Variants in PEX14 observed in about 807,000 individuals in gnomAD.
PEX14 encodes the protein peroxisomal membrane protein PEX14.
In PEX14, 15 loss-of-function variants were observed where a neutral mutation model predicts 49.5. The observed-to-expected ratio is 0.30, with a 90% CI of 0.20 to 0.47. The LOEUF (loss-of-function observed/expected upper bound fraction) is 0.47, where lower values mean the gene tolerates loss of function less well. Among genes scored for constraint, PEX14 ranks in the 20% least tolerant of loss-of-function variants. The probability of loss-of-function intolerance (pLI) is 1.00; values close to 1 mark genes in which losing one functional copy is unlikely to be tolerated. For missense variants in PEX14, 398 were observed against 494.8 expected, an observed-to-expected ratio of 0.80 and a Z score of 1.86; for synonymous variants, 210 against 212.7, an observed-to-expected ratio of 0.99 and a Z score of 0.11.
intron 2 of PEX14, among the ~76,000 whole-genome samples, chr1:10,523,751 G>A (rs1638376358): frequency 6.8e-6 from 1 of 147,804 alleles, no homozygotes. Flanking sequence ...TTGCACTCAA[G>A]ACTATTATCG....
At chr1:10,547,915 G>A (rs559634901) in intron 3 of PEX14, among the ~76,000 whole-genome samples, 13 of 152,256 alleles carry the variant, frequency 8.5e-5, no homozygotes, top group Middle Eastern at 3.4e-3. Flanking sequence ...CTTTCGAGAT[G>A]ATTTTAAGAA....
intron 3 of PEX14, among the ~76,000 whole-genome samples, chr1:10,589,244 A>G (rs1005417691): frequency 1.3e-5 from 2 of 152,086 alleles, no homozygotes; most frequent in African/African-American, 4.8e-5. Flanking sequence ...TGTGTGGGGG[A>G]AAATAGCCTG....
intron 4 of PEX14, among the ~76,000 whole-genome samples, chr1:10,608,556 G>C (rs1371939053): frequency 6.6e-6 from 1 of 151,988 alleles, no homozygotes; most frequent in Admixed American, 6.6e-5. Context: ...CAGCTACTCA[G>C]GAGGCTGAGG....
At chr1:10,583,511 C>T (rs1459560409) in intron 3 of PEX14, among the ~76,000 whole-genome samples, 1 of 151,794 alleles carries the variant, frequency 6.6e-6, no homozygotes, top group Non-Finnish European at 1.5e-5. Context: ...TATTAGCTAC[C>T]ACGCCTGGCT....
At chr1:10,523,267 C>A (rs1221962797) in intron 2 of PEX14, among the ~76,000 whole-genome samples, 1 of 152,076 alleles carries the variant, frequency 6.6e-6, no homozygotes. Context: ...TAGTAAGTAG[C>A]GTGAGTAAAG....
At chr1:10,618,260 A>G (rs1383013370) in intron 4 of PEX14, 72 bp from the exon 5 acceptor site, 17 of 1,169,974 alleles carry the variant, frequency 1.5e-5, no homozygotes, top group Non-Finnish European at 2.1e-5. Context: ...CCACTGAGGC[A>G]CCTGTGCCAG....
chr1:10,575,686 G>T (rs1204355214), intron 3 of PEX14, among the ~76,000 whole-genome samples: 1 of 152,100 alleles, frequency 6.6e-6, no homozygotes, highest in African/African-American at 2.4e-5. Flanking sequence ...CTAGTTTCTT[G>T]AGATGAGCAC....
At chr1:10,616,355 C>T (rs1463705489) in intron 4 of PEX14, among the ~76,000 whole-genome samples, 1 of 152,190 alleles carries the variant, frequency 6.6e-6, no homozygotes, top group African/African-American at 2.4e-5. Flanking sequence ...TGGAAGGTAC[C>T]TCTGAAAACT....
intron 4 of PEX14, among the ~76,000 whole-genome samples, chr1:10,609,501 G>C (rs118143639): frequency 3.3e-4 from 50 of 152,240 alleles, no homozygotes; most frequent in East Asian, 3.3e-3. Flanking sequence ...AAGTTGCTTT[G>C]TGCCCTTTAT....
At chr1:10,491,674 CTTTTT>C (rs5772417) in intron 1 of PEX14, among the ~76,000 whole-genome samples, 2 of 55,122 alleles carry the variant, frequency 3.6e-5, no homozygotes, top group East Asian at 4.7e-4. Flanking sequence ...GGCCATGCTC[CTTTTT>C]TTTTTTTTTT....
At chr1:10,501,033 A>G (rs1048785387) in intron 2 of PEX14, among the ~76,000 whole-genome samples, 3 of 152,254 alleles carry the variant, frequency 2.0e-5, no homozygotes, top group African/African-American at 7.2e-5. Flanking sequence ...TTTTACAAGC[A>G]CATGGGTAAT....
At chr1:10,610,190 C>T (rs1390487733) in intron 4 of PEX14, among the ~76,000 whole-genome samples, 1 of 148,422 alleles carries the variant, frequency 6.7e-6, no homozygotes, top group African/African-American at 2.4e-5. Flanking sequence ...ATGGTTTTTG[C>T]ATCCTAAGAA....
chr1:10,565,064 C>A (rs546803073), intron 3 of PEX14, among the ~76,000 whole-genome samples: 1 of 152,066 alleles, frequency 6.6e-6, no homozygotes, highest in African/African-American at 2.4e-5. Context: ...CCACCACACC[C>A]GACTAATTTT....
chr1:10,593,834 C>T (rs1025416480), intron 3 of PEX14, among the ~76,000 whole-genome samples: 2 of 152,172 alleles, frequency 1.3e-5, no homozygotes, highest in Non-Finnish European at 2.9e-5. Context: ...TTGCAGTTTA[C>T]TGTATTTATG....
At chr1:10,567,099 A>G (rs1036672789) in intron 3 of PEX14, among the ~76,000 whole-genome samples, 1 of 152,224 alleles carries the variant, frequency 6.6e-6, no homozygotes, top group Non-Finnish European at 1.5e-5. Context: ...AACTTTATTT[A>G]TGGACACTGA....
In PEX14 at chr1:10,629,507, C is replaced by T; in HGVS notation, c.678-24C>T. ...GGGCGTCCTGAATGCCGCCACCAAC[C>T]TCCTCCCCTTCTTCTCCCTCTAGGA... is the stretch of plus-strand genomic sequence containing the variant. On this transcript the variant is annotated intron_variant, in intron 8 of 8. Transcript: ENST00000356607. The surrounding 1 kb of genome is among the most constrained non-coding windows in gnomAD (Gnocchi z 8.5). 2 of 1,559,132 alleles carry T rather than the reference C, an allele frequency of 1.3e-6. No homozygotes were observed. The highest frequency in any genetic ancestry group is 1.8e-6 in the Non-Finnish European group (2 of 1,132,116).
intron 3 of PEX14, among the ~76,000 whole-genome samples, chr1:10,581,612 T>C (rs1479851394): frequency 6.6e-6 from 1 of 151,868 alleles, no homozygotes; most frequent in Non-Finnish European, 1.5e-5. Flanking sequence ...CTAATCCTTG[T>C]TATTCTTATT....
intron 2 of PEX14, among the ~76,000 whole-genome samples, chr1:10,518,974 C>T (rs1257211989): frequency 3.3e-5 from 5 of 152,008 alleles, no homozygotes; most frequent in East Asian, 3.9e-4. Context: ...GTGTGCTTGT[C>T]GTGGTAGTGG....
In PEX14 at chr1:10,616,079, G is replaced by A. The variant is rs111862278; in HGVS notation, c.299-2253G>A. Among the ~76,000 whole-genome samples the A allele has an allele frequency of 6.0e-4, 91 of 152,284 alleles. 4 individuals carry two copies. Among genetic ancestry groups the A allele is most frequent in the African/African-American group, 2.0e-3 (83 of 41,552 alleles). On this transcript the variant is annotated intron_variant, in intron 4 of 8. Coordinates refer to ENST00000356607, the MANE Select transcript of PEX14 (RefSeq NM_004565.3). ...GGGCTAGGACACACCGGGGAGTCTC[G>A]CATGGAATCCGCAGGCAGGGAGGGA...
Sources: allele counts gnomAD v4.1 joint callset (sites outside exome capture counted in the v4.1 genomes callset), GRCh38; gene constraint gnomAD v4.1.1; non-coding constraint Gnocchi (gnomAD v3.1); transcripts MANE v1.5; gene names NCBI Gene and HGNC (gene_info 2026-07-23, HGNC 2026-07-21).